The following ZNF804B variants were observed in gnomAD, a reference collection of about 807,000 sequenced individuals.
ZNF804B encodes the protein zinc finger 804B.
Under a neutral mutation model 101.4 loss-of-function variants are expected in ZNF804B, and 80 were observed. That is an observed-to-expected ratio of 0.79 (90% CI 0.66 to 0.95). The LOEUF is 0.95. ZNF804B is among the 40% of genes least tolerant of loss of function. The pLI, the probability that ZNF804B is intolerant of heterozygous loss-of-function variation, is 0.00. For missense variants in ZNF804B, 1,673 were observed against 1,561.9 expected, an observed-to-expected ratio of 1.07 and a Z score of -1.20; for synonymous variants, 622 against 558.8, an observed-to-expected ratio of 1.11 and a Z score of -1.59.
chr7:89,222,040 G>A (rs959217754), intron 2 of ZNF804B, among the ~76,000 whole-genome samples: 2 of 151,932 alleles, frequency 1.3e-5, no homozygotes, highest in East Asian at 1.9e-4. Context: ...ACTGATTCCA[G>A]AAAGAAGAGA....
chr7:88,984,337 C>T (rs756755394), intron 1 of ZNF804B, among the ~76,000 whole-genome samples: 27 of 151,954 alleles, frequency 1.8e-4, no homozygotes, highest in Non-Finnish European at 3.5e-4. Flanking sequence ...CAAATGTTAC[C>T]ATCTTTAAGG....
chr7:88,917,962 A>G (rs1472202574), intron 1 of ZNF804B, among the ~76,000 whole-genome samples: 1 of 152,250 alleles, frequency 6.6e-6, no homozygotes, highest in African/African-American at 2.4e-5. Flanking sequence ...AGTTAAGGAA[A>G]GAAATTAATG....
At chr7:88,974,620 T>G (rs2116118833) in intron 1 of ZNF804B, among the ~76,000 whole-genome samples, 1 of 151,474 alleles carries the variant, frequency 6.6e-6, no homozygotes, top group South Asian at 2.1e-4. Flanking sequence ...AAAATTAAAA[T>G]TCAAGCTGAT....
intron 1 of ZNF804B, among the ~76,000 whole-genome samples, chr7:89,064,393 T>A (rs1391976543): frequency 6.6e-6 from 1 of 152,190 alleles, no homozygotes. Flanking sequence ...AACCCGTGTC[T>A]ACCATAGTCG....
intron 1 of ZNF804B, among the ~76,000 whole-genome samples, chr7:88,838,190 C>T (rs1002592259): frequency 6.6e-6 from 1 of 151,734 alleles, no homozygotes; most frequent in Non-Finnish European, 1.5e-5. Flanking sequence ...CCAATCAAAG[C>T]TCTGTTAAAA....
At chr7:88,813,212 G>A (rs1306975317) in intron 1 of ZNF804B, among the ~76,000 whole-genome samples, 2 of 151,918 alleles carry the variant, frequency 1.3e-5, no homozygotes, top group African/African-American at 4.8e-5. Context: ...TGGATCATGA[G>A]GTCATGAGAT....
In ZNF804B at chr7:89,280,804, A is replaced by G. The variant is rs188768879; in HGVS notation, c.250-46540A>G. On this transcript the variant is annotated intron_variant, in intron 2 of 3. Transcript: ENST00000333190. ...AAAGAGTCCAGGACCAGATGGATTC[A>G]CAGCCGAATTCTACCAGAGGTATAA... 8.5e-5 allele frequency among the ~76,000 whole-genome samples: 13 copies of G among 152,368 alleles called. No individual in the cohort carries two copies. In the East Asian group the frequency reaches 2.5e-3, roughly 29 times the overall value.
chr7:89,171,288 G>GCTGCTGCTTCTTCTTCTT (rs1215246589), intron 1 of ZNF804B, among the ~76,000 whole-genome samples: 90 of 82,530 alleles, frequency 1.1e-3, no homozygotes, highest in African/African-American at 4.0e-3. Flanking sequence ...TGCTGCTGCT[G>GCTGCTGCTTCTTCTTCTT]CTTCTTCTTC....
intron 1 of ZNF804B, among the ~76,000 whole-genome samples, chr7:88,879,766 T>C (rs1188574636): frequency 6.6e-6 from 1 of 152,084 alleles, no homozygotes; most frequent in Non-Finnish European, 1.5e-5. Context: ...AAGGCAGGCA[T>C]GGTGGCTCAT....
chr7:88,780,384 G>GTTT (rs1586899656), intron 1 of ZNF804B, among the ~76,000 whole-genome samples: 1 of 119,790 alleles, frequency 8.3e-6, no homozygotes, highest in African/African-American at 3.5e-5. Flanking sequence ...ATACTTTTTT[G>GTTT]TCTTTTTTTT....
intron 1 of ZNF804B, among the ~76,000 whole-genome samples, chr7:89,085,969 T>C (rs1212663774): frequency 1.3e-5 from 2 of 151,976 alleles, no homozygotes; most frequent in African/African-American, 4.8e-5. Context: ...TTTTCTCTTT[T>C]ACACTTCACA....
At chr7:89,068,308 A>G (rs932008306) in intron 1 of ZNF804B, among the ~76,000 whole-genome samples, 3 of 151,846 alleles carry the variant, frequency 2.0e-5, no homozygotes, top group Admixed American at 6.6e-5. Flanking sequence ...TATTTTATAT[A>G]TTACTGAAGC....
intron 2 of ZNF804B, among the ~76,000 whole-genome samples, chr7:89,312,005 G>A (rs1364065349): frequency 2.0e-5 from 3 of 152,128 alleles, no homozygotes; most frequent in Admixed American, 1.3e-4. Flanking sequence ...CTCAGAGGTA[G>A]TGGGAAACTA....
intron 1 of ZNF804B, among the ~76,000 whole-genome samples, chr7:88,925,109 C>T (rs1792776805): frequency 6.6e-6 from 1 of 152,120 alleles, no homozygotes; most frequent in African/African-American, 2.4e-5. Flanking sequence ...TATCAGTGGA[C>T]TCTTCATTAT....
chr7:89,326,511 A>G (rs532410383), intron 2 of ZNF804B, among the ~76,000 whole-genome samples: 2 of 152,160 alleles, frequency 1.3e-5, no homozygotes, highest in African/African-American at 4.8e-5. Flanking sequence ...CAGATTTTAG[A>G]CTGTTTAAAA....
chr7:89,066,251 G>T (rs1789452981), intron 1 of ZNF804B, among the ~76,000 whole-genome samples: 1 of 151,762 alleles, frequency 6.6e-6, no homozygotes, highest in Non-Finnish European at 1.5e-5. Flanking sequence ...TGGCTAGCTG[G>T]TGTAGTAATG....
At chr7:88,850,644 A>T (rs1055423746) in intron 1 of ZNF804B, among the ~76,000 whole-genome samples, 2 of 152,104 alleles carry the variant, frequency 1.3e-5, no homozygotes, top group African/African-American at 4.8e-5. Context: ...AAGATCCAAA[A>T]AGACCAAACT....
At chr7:89,030,436 TATTA>T (rs1788812179) in intron 1 of ZNF804B, among the ~76,000 whole-genome samples, 1 of 152,172 alleles carries the variant, frequency 6.6e-6, no homozygotes, top group Non-Finnish European at 1.5e-5. Context: ...TATATTGATT[TATTA>T]ATTAATATGT....
chr7:89,337,094 A>C lies in ZNF804B; in HGVS notation c.*62A>C. The stretch of plus-strand genomic sequence containing the variant: ...ATTGTCACTACCTATAAAATCATAC[A>C]TTTAAAGAAGTCTGTCAATTATAAG... On this transcript the variant is annotated 3_prime_UTR_variant, in exon 4 of 4. Transcript: ENST00000333190. The C allele has an allele frequency of 2.7e-6, 4 of 1,455,698 alleles. No homozygotes were observed. In the South Asian group the frequency reaches 5.5e-5, roughly 20 times the overall value. The allele number at this position is 1,455,698 out of a possible 1,614,324, so 90.2% of individuals were successfully genotyped here. A position where few individuals can be genotyped will look rare whatever the true frequency, so the allele number is the denominator to read the frequency against.
Sources: allele counts gnomAD v4.1 joint callset (sites outside exome capture counted in the v4.1 genomes callset), GRCh38; gene constraint gnomAD v4.1.1; transcripts MANE v1.5; gene names NCBI Gene and HGNC (gene_info 2026-07-23, HGNC 2026-07-21).